Variants in GPR155 observed in about 807,000 individuals in gnomAD.
GPR155 encodes the protein lysosomal cholesterol signaling protein.
A neutral mutation model predicts 93.1 loss-of-function variants in GPR155; 65 were observed. That is an observed-to-expected ratio of 0.70 (90% CI 0.57 to 0.86). The LOEUF (loss-of-function observed/expected upper bound fraction) is 0.86, where lower values mean the gene tolerates loss of function less well. Among genes scored for constraint, GPR155 ranks in the 40% least tolerant of loss-of-function variants. GPR155 has a pLI of 0.00. For missense variants in GPR155, 838 were observed against 1,034.8 expected (o/e 0.81, Z 2.61); for synonymous variants, 319 against 360.1 (o/e 0.89, Z 1.29).
intron 5 of GPR155, among the ~76,000 whole-genome samples, chr2:174,468,233 C>T (rs969576631): frequency 5.3e-5 from 8 of 152,274 alleles, no homozygotes; most frequent in Non-Finnish European, 1.0e-4. Flanking sequence ...ATTAATCACA[C>T]ATTTATCTGT....
At chr2:174,485,758 T>C (rs901529965) in intron 1 of GPR155, among the ~76,000 whole-genome samples, 2 of 152,150 alleles carry the variant, frequency 1.3e-5, no homozygotes, top group Admixed American at 6.5e-5. Flanking sequence ...GAAGATAATA[T>C]GCTTTCTAAA....
intron 15 of GPR155, among the ~76,000 whole-genome samples, chr2:174,436,828 TAAG>T (rs1235824785): frequency 2.6e-5 from 4 of 152,228 alleles, no homozygotes; most frequent in Admixed American, 2.6e-4. Context: ...CACGAGCTCT[TAAG>T]AAGTGATTAT....
At chr2:174,464,968 TCTA>T (rs1266235846) in intron 7 of GPR155, among the ~76,000 whole-genome samples, 1 of 152,160 alleles carries the variant, frequency 6.6e-6, no homozygotes, top group Non-Finnish European at 1.5e-5. Context: ...CTCCTACCAT[TCTA>T]CTATTTCCTT....
chr2:174,453,504 C>CA (rs1687387809), intron 11 of GPR155, among the ~76,000 whole-genome samples: 3 of 151,542 alleles, frequency 2.0e-5, no homozygotes, highest in Non-Finnish European at 4.4e-5. Flanking sequence ...ACTAAAAATA[C>CA]AAAAAATTAG....
In GPR155 at chr2:174,434,123, G is replaced by C. The variant is rs1382087691; in HGVS notation, c.*1993C>G. ...TTACAGGTGCACACCACCACACCTG[G>C]CTAATTTTTTTTTTTTTTTTTTTTT... On this transcript the variant is annotated 3_prime_UTR_variant, in exon 16 of 16. Coordinates refer to ENST00000392552, the MANE Select transcript of GPR155 (RefSeq NM_152529.7). 1 of 146,740 alleles carries C rather than the reference G, an allele frequency of 6.8e-6. No homozygotes were observed. Among genetic ancestry groups the C allele is most frequent in the Non-Finnish European group, 1.5e-5 (1 of 67,358 alleles). 9.1% of individuals were successfully genotyped at this position (146,740 alleles called of 1,614,324 possible). A position where few individuals can be genotyped will look rare whatever the true frequency, so the allele number is the denominator to read the frequency against.
chr2:174,439,701 A>G (rs1381027114), intron 15 of GPR155, among the ~76,000 whole-genome samples, 197 bp downstream of exon 15: 1 of 152,222 alleles, frequency 6.6e-6, no homozygotes, highest in African/African-American at 2.4e-5. Context: ...AAATATTAAA[A>G]TCAACGTAAA....
At chr2:174,441,429 T>A (rs1001147344) in intron 14 of GPR155, among the ~76,000 whole-genome samples, 54 of 151,552 alleles carry the variant, frequency 3.6e-4, no homozygotes, top group African/African-American at 1.3e-3. Context: ...AAATTTTTTT[T>A]AATTTTTATT....
In GPR155 at chr2:174,467,158, AAAAAC is replaced by A. The variant is rs554182725; in HGVS notation, c.1183-536_1183-532del. Among the ~76,000 whole-genome samples the A allele has an allele frequency of 9.7e-4, 148 of 151,862 alleles. 1 individual carries two copies. The highest frequency in any genetic ancestry group is 3.4e-3 in the Middle Eastern group (1 of 294). On this transcript the variant is annotated intron_variant, in intron 5 of 15. Coordinates refer to ENST00000392552, the MANE Select transcript of GPR155 (RefSeq NM_152529.7). ...GGTGACAGAGCAAGACTCCATCTCA[AAAAAC>A]AAAACAAAACAAAACAAAACAAAAC...
chr2:174,475,149 G>A (rs940759775), intron 2 of GPR155, among the ~76,000 whole-genome samples: 5 of 150,626 alleles, frequency 3.3e-5, no homozygotes, highest in Non-Finnish European at 7.4e-5. Flanking sequence ...CAAAAAATTA[G>A]CCGGGCGTAG....
intron 9 of GPR155, among the ~76,000 whole-genome samples, chr2:174,460,678 G>T (rs750966117): frequency 1.3e-5 from 2 of 152,096 alleles, no homozygotes; most frequent in Admixed American, 1.3e-4. Context: ...GAATCTAAAT[G>T]ATTTCTCTCC....
At chr2:174,476,565 T>C (rs560097220) in intron 2 of GPR155, among the ~76,000 whole-genome samples, 14 of 152,094 alleles carry the variant, frequency 9.2e-5, no homozygotes, top group Non-Finnish European at 1.9e-4. Context: ...GACTGCACCA[T>C]TGCATTACAG....
chr2:174,465,848 C>A lies in GPR155; in HGVS notation c.1321G>T (p.Val441Phe). The A allele has an allele frequency of 1.2e-6, 2 of 1,608,856 alleles. No homozygotes were observed. Among genetic ancestry groups the A allele is most frequent in the East Asian group, 4.5e-5 (2 of 44,868 alleles). Residue 441 changes from valine to phenylalanine, a missense_variant, in exon 7 of 16, where the codon GTT becomes TTT. Transcript: ENST00000392552. ...IWNFVKEKNF[V>F]GQILVFVLLY... ...AGAACAAACACCAAAATTTGTCCAACAAAATTTTTTTCTTTAACAAAATTC... is the reference window on the plus strand; with the variant it reads ...AGAACAAACACCAAAATTTGTCCAAAAAAATTTTTTTCTTTAACAAAATTC...
intron 3 of GPR155, 22 bp from the exon 4 acceptor site, chr2:174,470,577 C>G: frequency 6.2e-7 from 1 of 1,604,266 alleles, no homozygotes; most frequent in African/African-American, 1.3e-5. Context: ...AGAAAAACAT[C>G]ATTTACCTGA....
intron 1 of GPR155, among the ~76,000 whole-genome samples, chr2:174,484,982 C>A (rs551323568): frequency 6.6e-6 from 1 of 152,140 alleles, no homozygotes; most frequent in South Asian, 2.1e-4. Flanking sequence ...ACAGAGTAGG[C>A]CTTCAAAAAA....
chr2:174,440,703 A>T (rs1288477094), intron 14 of GPR155, among the ~76,000 whole-genome samples: 1 of 152,222 alleles, frequency 6.6e-6, no homozygotes, highest in East Asian at 1.9e-4. Flanking sequence ...TTTCTTTAGC[A>T]CTTCCAGTTT....
chr2:174,440,417 T>G (rs544689599), intron 14 of GPR155, among the ~76,000 whole-genome samples: 22 of 152,278 alleles, frequency 1.4e-4, no homozygotes, highest in African/African-American at 4.1e-4. Flanking sequence ...CTTTTCTATT[T>G]TAGTACCACA....
rs1686743353 is a variant in GPR155 at position 174,435,306 on chromosome 2, CTG to C, written c.*808_*809del. On this transcript the variant is annotated 3_prime_UTR_variant, in exon 16 of 16. Coordinates refer to ENST00000392552, the MANE Select transcript of GPR155 (RefSeq NM_152529.7). Reference sequence around the variant, plus strand: ...TGCATCTGTAGTGAACATGTACAGACTGTTTTTCTTATTGTTATTCCCTAAAC... The same window carrying C: ...TGCATCTGTAGTGAACATGTACAGACTTTTTCTTATTGTTATTCCCTAAAC... 2 of 152,224 alleles carry C rather than the reference CTG, an allele frequency of 1.3e-5. No individual in the cohort carries two copies. Among genetic ancestry groups the C allele is most frequent in the South Asian group, 4.1e-4 (2 of 4,826 alleles). The allele number at this position is 152,224 out of a possible 1,614,324, so 9.4% of individuals were successfully genotyped here.
intron 5 of GPR155, among the ~76,000 whole-genome samples, chr2:174,466,886 G>A (rs1687852975): frequency 6.6e-6 from 1 of 152,142 alleles, no homozygotes. Flanking sequence ...GCCAGGCATC[G>A]TGGCTCATTC....
At chr2:174,475,018 G>T (rs995824756) in intron 2 of GPR155, among the ~76,000 whole-genome samples, 3 of 152,026 alleles carry the variant, frequency 2.0e-5, no homozygotes, top group African/African-American at 7.2e-5. Context: ...TTTCTCGGCC[G>T]GGCGCGGTGG....
Sources: gnomAD v4.1 joint callset for allele counts (sites outside exome capture counted in the v4.1 genomes callset) on GRCh38, gnomAD v4.1.1 for gene constraint, MANE v1.5 for transcripts, NCBI Gene and HGNC (gene_info 2026-07-23, HGNC 2026-07-21) for gene names.